SLC1A5: variants seen among roughly 807,000 people sequenced by gnomAD.
SLC1A5 encodes neutral amino acid transporter B(0).
SLC1A5 carries 25 observed loss-of-function variants against 34.9 expected under a neutral mutation model. That is an observed-to-expected ratio of 0.72 (90% CI 0.52 to 1.00). The LOEUF (loss-of-function observed/expected upper bound fraction) is 1.00, where lower values mean the gene tolerates loss of function less well. Among genes scored for constraint, SLC1A5 ranks in the 50% least tolerant of loss-of-function variants. SLC1A5 has a pLI of 0.00. For synonymous variants in SLC1A5, 351 were observed against 341.2 expected, an observed-to-expected ratio of 1.03 and a Z score of -0.32; for missense variants, 637 against 740.0, an observed-to-expected ratio of 0.86 and a Z score of 1.61.
chr19:46,782,346 A>ACCCCCCCCCCCCCCCCCCCCCCTCCCCCC, intron 4 of SLC1A5, 37 bp downstream of exon 4: 1 of 567,986 alleles, frequency 1.8e-6, no homozygotes, highest in Non-Finnish European at 3.2e-6. Flanking sequence ...CGACCCTCCA[A>ACCCCCCCCCCCCCCCCCCCCCCTCCCCCC]CCCCACCCAC....
At position 46,785,817 on chromosome 19, in the gene SLC1A5, C is replaced by T. The variant is rs899147007; in HGVS notation, c.567-1258G>A. Among the ~76,000 whole-genome samples the T allele has an allele frequency of 4.6e-5, 7 of 152,254 alleles. No homozygotes were observed. The East Asian group carries it at 9.7e-4, about 21-fold the overall frequency. The stretch of plus-strand genomic sequence containing the variant: ...GAGTTTGGCCGGGTGCGGTGGCTCA[C>T]GCCAGTAATTCCAGCCTTTTGGGAG... On this transcript the variant is annotated intron_variant, in intron 1 of 7. Transcript: ENST00000542575.
intron 4 of SLC1A5, among the ~76,000 whole-genome samples, chr19:46,780,325 G>C (rs1189463943): frequency 6.6e-6 from 1 of 151,910 alleles, no homozygotes; most frequent in Non-Finnish European, 1.5e-5. Context: ...AACAGAGCGA[G>C]ATCCTAGTTC....
At chr19:46,783,992 G>T in intron 3 of SLC1A5, 105 bp downstream of exon 3, 1 of 836,094 alleles carries the variant, frequency 1.2e-6, no homozygotes, top group East Asian at 2.6e-5. Flanking sequence ...AAGGACTGCA[G>T]AGTGTCAATC....
chr19:46,785,952 C>T (rs745347423), intron 1 of SLC1A5, among the ~76,000 whole-genome samples: 1 of 150,842 alleles, frequency 6.6e-6, no homozygotes, highest in Non-Finnish European at 1.5e-5. Flanking sequence ...TGGTGGCACA[C>T]GGAAGGCTGA....
At position 46,787,310 on chromosome 19, in the gene SLC1A5, T is replaced by C. The variant is rs1303056278; in HGVS notation, c.566+90A>G. On this transcript the variant is annotated intron_variant, in intron 1 of 7. Transcript: ENST00000542575. This position sits in a 1 kb window ranked among gnomAD's most constrained non-coding sequence, Gnocchi z 5.2. ...TAAGACTCTAGAGGGAAGTCTCTGC[T>C]CCAGGGGCCCCAAAGCCCCGTCCTG... The C allele has an allele frequency of 1.3e-6, 2 of 1,523,088 alleles. No individual in the cohort carries two copies. The highest frequency in any genetic ancestry group is 1.8e-6 in the Non-Finnish European group (2 of 1,133,366). The allele number at this position is 1,523,088 out of a possible 1,614,324, so 94.3% of individuals were successfully genotyped here.
chr19:46,777,352 G>C lies in SLC1A5; in HGVS notation c.1112C>G (p.Ala371Gly). 6.2e-7 allele frequency: 1 copy of C among 1,613,734 alleles called. No homozygotes were observed. Among genetic ancestry groups the C allele is most frequent in the Non-Finnish European group, 8.5e-7 (1 of 1,179,976 alleles). The change falls in exon 6 of 8, where the codon GCC becomes GGC. Residue 371 changes from alanine to glycine, a missense_variant. Coordinates refer to ENST00000542575, the MANE Select transcript of SLC1A5 (RefSeq NM_005628.3). ...MKCVEENNGV[A>G]KHISRFILPI... Reference sequence around the variant, plus strand: ...CAGGATGAAACGGCTGATGTGCTTGGCCACGCCATTATTCTCCTCCACGCA... The same window carrying C: ...CAGGATGAAACGGCTGATGTGCTTGCCCACGCCATTATTCTCCTCCACGCA...
At chr19:46,780,335 C>T (rs1471393645) in intron 4 of SLC1A5, among the ~76,000 whole-genome samples, 2 of 151,700 alleles carry the variant, frequency 1.3e-5, no homozygotes, top group African/African-American at 4.8e-5. Context: ...GATCCTAGTT[C>T]AAAAAACGTT....
intron 4 of SLC1A5, among the ~76,000 whole-genome samples, chr19:46,780,881 G>A (rs2055140801): frequency 6.6e-6 from 1 of 152,122 alleles, no homozygotes; most frequent in African/African-American, 2.4e-5. Flanking sequence ...TGAGGCAGGA[G>A]AATCACTTGA....
Position 46,787,720 on chromosome 19 carries a change from G to A in SLC1A5, c.246C>T (p.Gly82=), listed in dbSNP as rs750584170. 6 of 1,572,444 alleles carry A rather than the reference G, an allele frequency of 3.8e-6. No individual in the cohort carries two copies. The African/African-American group carries it at 4.0e-5, about 11-fold the overall frequency. Residue 82 remains glycine, a synonymous_variant, in exon 1 of 8, where the codon GGC becomes GGT. Coordinates refer to ENST00000542575, the MANE Select transcript of SLC1A5 (RefSeq NM_005628.3). This position sits in a 1 kb window ranked among gnomAD's most constrained non-coding sequence, Gnocchi z 5.2. The part of the protein sequence containing the change: ...VSGAGGALAL[G]PERLSAFVFP... ...AGACGAAGGCGCTCAAGCGCTCCGG[G>A]CCCAACGCCAGCGCACCCCCGGCCC...
Position 46,787,618 on chromosome 19 carries a change from G to T in SLC1A5, c.348C>A (p.Ala116=). 1.3e-6 allele frequency: 2 copies of T among 1,564,432 alleles called. No individual in the cohort carries two copies. Among genetic ancestry groups the T allele is most frequent in the Non-Finnish European group, 1.7e-6 (2 of 1,157,666 alleles). The change falls in exon 1 of 8, where the codon GCC becomes GCA. Residue 116 remains alanine, a synonymous_variant. Transcript: ENST00000542575. The surrounding 1 kb of genome is among the most constrained non-coding windows in gnomAD (Gnocchi z 5.2). ...CGAGCGCGCCGGGGTCCAGGCTGGC[G>T]GCGCCGCCGATCAAGCTGCACACCA... is the stretch of plus-strand genomic sequence containing the variant. The part of the protein sequence containing the change: ...PLVVCSLIGG[A]ASLDPGALGR...
At chr19:46,780,534 T>C (rs527621910) in intron 4 of SLC1A5, among the ~76,000 whole-genome samples, 3 of 151,790 alleles carry the variant, frequency 2.0e-5, no homozygotes, top group African/African-American at 7.2e-5. Context: ...TATTTGTATT[T>C]TTTTGTAGAG....
rs2055083978 is a variant in SLC1A5 at position 46,775,840 on chromosome 19, C to G, written c.1389-93G>C. ...GGCCTAAGCCTCCTGCCTCTCTCCCCCTGGAATCTAAAAAGTAAAAATTAA... is the reference window on the plus strand; with the variant it reads ...GGCCTAAGCCTCCTGCCTCTCTCCCGCTGGAATCTAAAAAGTAAAAATTAA... On this transcript the variant is annotated intron_variant, in intron 7 of 7. Coordinates refer to ENST00000542575, the MANE Select transcript of SLC1A5 (RefSeq NM_005628.3). 3.0e-5 allele frequency: 40 copies of G among 1,323,732 alleles called. No individual in the cohort carries two copies. The South Asian group carries it at 6.2e-4, about 21-fold the overall frequency. The allele number at this position is 1,323,732 out of a possible 1,614,324, so 82.0% of individuals were successfully genotyped here.
chr19:46,788,014 C>G lies in SLC1A5; in HGVS notation c.-49G>C. On this transcript the variant is annotated 5_prime_UTR_variant, in exon 1 of 8. Transcript: ENST00000542575. ...AGCGCCTGGAAGCTGGCTGGGAGCG[C>G]TTGGGCTCCTTCCCAGGACCCGACG... 6.8e-7 allele frequency: 1 copy of G among 1,478,030 alleles called. No individual in the cohort carries two copies. The allele number at this position is 1,478,030 out of a possible 1,614,324, so 91.6% of individuals were successfully genotyped here.
intron 3 of SLC1A5, among the ~76,000 whole-genome samples, chr19:46,783,532 G>A (rs1362869146): frequency 6.6e-6 from 1 of 151,586 alleles, no homozygotes; most frequent in African/African-American, 2.4e-5. Flanking sequence ...AGTGCCTCAC[G>A]CCTGTAATCC....
chr19:46,787,499 C>T lies in SLC1A5; in HGVS notation c.467G>A (p.Gly156Asp), dbSNP rs768027756. ...GVGLALALQP[G>D]AASAAINASV... is the part of the protein sequence containing the mutation. ...GGCGTTGATGGCGGCGGAGGCGGCG[C>T]CCGGCTGCAGAGCCAGCGCCAAGCC... The change falls in exon 1 of 8, where the codon GGC (glycine) becomes GAC (aspartate). Residue 156 changes from glycine to aspartate, a missense_variant. Gly to Asp is a moderately conservative substitution (Grantham distance 94). Coordinates refer to ENST00000542575, the MANE Select transcript of SLC1A5 (RefSeq NM_005628.3). This position sits in a 1 kb window ranked among gnomAD's most constrained non-coding sequence, Gnocchi z 5.2. 1.5e-5 allele frequency: 23 copies of T among 1,582,872 alleles called. No homozygotes were observed. The highest frequency in any genetic ancestry group is 1.8e-5 in the Admixed American group (1 of 54,704).
In SLC1A5 at chr19:46,784,896, T is replaced by C; in HGVS notation, c.567-337A>G. ...ACCCCATGCAGCAAACTTAATACCC[T>C]GGACAGCTTGCATCAGCCACTTCCT... On this transcript the variant is annotated intron_variant, in intron 1 of 7. Transcript: ENST00000542575. 4 of 1,287,846 alleles carry C rather than the reference T, an allele frequency of 3.1e-6. No individual in the cohort carries two copies. In the South Asian group the frequency reaches 7.5e-5, roughly 24 times the overall value. 79.8% of individuals were successfully genotyped at this position (1,287,846 alleles called of 1,614,324 possible).
At chr19:46,784,590 G>C in intron 1 of SLC1A5, 31 bp from the exon 2 acceptor site, 1 of 1,614,028 alleles carries the variant, frequency 6.2e-7, no homozygotes, top group African/African-American at 1.3e-5. Context: ...AGGGTTATTA[G>C]ATACCATAGT....
chr19:46,785,385 A>G (rs1238533711), intron 1 of SLC1A5, among the ~76,000 whole-genome samples: 1 of 152,202 alleles, frequency 6.6e-6, no homozygotes, highest in Non-Finnish European at 1.5e-5. Context: ...CTCAAAAAAT[A>G]TATATAGCAG....
chr19:46,784,557 T>TG lies in SLC1A5; in HGVS notation c.568_569insC (p.Asn190ThrfsTer20). ...TGACACCAGGTTGGAAGGGAAGATA[T>TG]TTCTGCAGAGACAGACACACAGAGG... On this transcript the variant is annotated frameshift_variant and splice_region_variant, in exon 2 of 8. Transcript: ENST00000542575. LOFTEE classifies it high-confidence loss of function. The TG allele has an allele frequency of 6.2e-7, 1 of 1,614,078 alleles. No individual in the cohort carries two copies.
Sources: gnomAD v4.1 joint callset for allele counts (sites outside exome capture counted in the v4.1 genomes callset) on GRCh38, gnomAD v4.1.1 for gene constraint, Gnocchi (gnomAD v3.1) non-coding constraint, MANE v1.5 for transcripts, NCBI Gene and HGNC (gene_info 2026-07-23, HGNC 2026-07-21) for gene names.